Variants in PTPRG observed in about 807,000 individuals in gnomAD.
PTPRG encodes protein tyrosine phosphatase receptor type G.
Under a neutral mutation model 165.3 loss-of-function variants are expected in PTPRG, and 102 were observed. That is an observed-to-expected ratio of 0.62 (90% CI 0.53 to 0.73). The LOEUF (loss-of-function observed/expected upper bound fraction) is 0.73, where lower values mean the gene tolerates loss of function less well. Among genes scored for constraint, PTPRG ranks in the 30% least tolerant of loss-of-function variants. The probability of loss-of-function intolerance (pLI) is 0.00; values close to 1 mark genes in which losing one functional copy is unlikely to be tolerated. For missense variants in PTPRG, 1,866 were observed against 1,861.4 expected (o/e 1.00, Z -0.05); for synonymous variants, 675 against 669.5 (o/e 1.01, Z -0.13).
intron 1 of PTPRG, among the ~76,000 whole-genome samples, chr3:61,654,635 C>G (rs902848039): frequency 1.3e-5 from 2 of 152,160 alleles, no homozygotes; most frequent in African/African-American, 4.8e-5. Flanking sequence ...GTCCGCCCGC[C>G]TCAGCCTCCC....
At chr3:62,268,371 A>AT (rs1701951071) in intron 19 of PTPRG, among the ~76,000 whole-genome samples, 1 of 152,100 alleles carries the variant, frequency 6.6e-6, no homozygotes. Flanking sequence ...TTAGGCTGGA[A>AT]TAAAAGCTAC....
At position 62,295,843 on chromosome 3, in the gene PTPRG, T is replaced by C. The variant is rs1326939141; in HGVS notation, c.*2536T>C. 6.6e-6 allele frequency: 1 copy of C among 152,108 alleles called. No individual in the cohort carries two copies. The highest frequency in any genetic ancestry group is 1.9e-4 in the East Asian group (1 of 5,188). 9.4% of individuals were successfully genotyped at this position (152,108 alleles called of 1,614,324 possible). On this transcript the variant is annotated 3_prime_UTR_variant, in exon 30 of 30. Coordinates refer to ENST00000474889, the MANE Select transcript of PTPRG (RefSeq NM_002841.4). ...CCTCACTATTATTATTCATGTGTTATTGGCAAAAACATAGCTTGCATCTTT... is the reference window on the plus strand; with the variant it reads ...CCTCACTATTATTATTCATGTGTTACTGGCAAAAACATAGCTTGCATCTTT...
At chr3:61,631,107 A>G (rs947105666) in intron 1 of PTPRG, among the ~76,000 whole-genome samples, 1 of 152,106 alleles carries the variant, frequency 6.6e-6, no homozygotes, top group African/African-American at 2.4e-5. Context: ...ACAAATGAAA[A>G]TTCAAATCTT....
chr3:61,968,931 A>G (rs953502579), intron 2 of PTPRG, among the ~76,000 whole-genome samples: 9 of 152,196 alleles, frequency 5.9e-5, no homozygotes, highest in Non-Finnish European at 1.2e-4. Flanking sequence ...TCTTTGAGAC[A>G]TGGTGTTGTC....
At chr3:62,074,352 C>CTTTCTTT (rs1701310935) in intron 4 of PTPRG, among the ~76,000 whole-genome samples, 11 of 109,112 alleles carry the variant, frequency 1.0e-4, no homozygotes, top group African/African-American at 4.2e-4. Flanking sequence ...TCTTTTCTTT[C>CTTTCTTT]TTTTTTTTTT....
In PTPRG at chr3:62,190,101, G is replaced by A. The variant is rs959206106; in HGVS notation, c.1034-1368G>A. On this transcript the variant is annotated intron_variant, in intron 8 of 29. Coordinates refer to ENST00000474889, the MANE Select transcript of PTPRG (RefSeq NM_002841.4). This position sits in a 1 kb window ranked among gnomAD's most constrained non-coding sequence, Gnocchi z 5.2. ...GCGTGCAGTGATGGCTCTGCGCATG[G>A]GATTCTTTGGTGAGCCTCCATCTCT... Among the ~76,000 whole-genome samples the A allele has an allele frequency of 1.8e-4, 27 of 152,118 alleles. No homozygotes were observed. Among genetic ancestry groups the A allele is most frequent in the African/African-American group, 6.3e-4 (26 of 41,416 alleles).
In PTPRG at chr3:62,213,593, C is replaced by T. The variant is rs11924391; in HGVS notation, c.2156-5258C>T. On this transcript the variant is annotated intron_variant, in intron 12 of 29. Coordinates refer to ENST00000474889, the MANE Select transcript of PTPRG (RefSeq NM_002841.4). The surrounding 1 kb of genome is among the most constrained non-coding windows in gnomAD (Gnocchi z 4.4). ...AGAGATGGGCATTTACCCAAAGCCA[C>T]ACAGCTGGAAAGGCCTAAGTCAAAA... is the stretch of plus-strand genomic sequence containing the variant. Among the ~76,000 whole-genome samples, 1,478 of 152,132 alleles carry T rather than the reference C, an allele frequency of 9.7e-3. 25 individuals are homozygous for T. Among genetic ancestry groups the T allele is most frequent in the African/African-American group, 0.033 (1,360 of 41,476 alleles).
intron 4 of PTPRG, among the ~76,000 whole-genome samples, chr3:62,024,650 C>T (rs912241882): frequency 5.3e-5 from 8 of 152,202 alleles, no homozygotes; most frequent in African/African-American, 7.2e-5. Flanking sequence ...GCCATTTCTT[C>T]ATATGTCACC....
At chr3:61,632,378 A>C (rs1478686835) in intron 1 of PTPRG, among the ~76,000 whole-genome samples, 1 of 152,184 alleles carries the variant, frequency 6.6e-6, no homozygotes, top group Non-Finnish European at 1.5e-5. Flanking sequence ...CATAGGTGTA[A>C]TGCTTATAAT....
intron 2 of PTPRG, among the ~76,000 whole-genome samples, chr3:61,790,944 A>T (rs1378708128): frequency 6.6e-6 from 1 of 152,204 alleles, no homozygotes; most frequent in African/African-American, 2.4e-5. Context: ...GATCTGTTGT[A>T]TGTTAGCAAG....
intron 2 of PTPRG, among the ~76,000 whole-genome samples, chr3:61,820,404 G>T (rs1266703047): frequency 6.6e-6 from 1 of 152,086 alleles, no homozygotes; most frequent in East Asian, 1.9e-4. Context: ...GTACCCACTC[G>T]TATTAAGTGG....
intron 3 of PTPRG, among the ~76,000 whole-genome samples, chr3:62,001,405 A>G (rs2041169576): frequency 6.6e-6 from 1 of 152,180 alleles, no homozygotes. Flanking sequence ...CCCTGGGTGT[A>G]TTGTAACAGA....
chr3:62,124,698 G>C (rs1252405285), intron 5 of PTPRG: 1 of 617,976 alleles, frequency 1.6e-6, no homozygotes, highest in South Asian at 2.1e-5. Flanking sequence ...GCTGCGCTTG[G>C]CACCGGACTT....
chr3:62,116,456 T>A (rs1289356714), intron 5 of PTPRG, among the ~76,000 whole-genome samples: 2 of 152,170 alleles, frequency 1.3e-5, no homozygotes, highest in Non-Finnish European at 2.9e-5. Context: ...GATAAATCTA[T>A]CTTGATATTT....
chr3:62,275,930 A>G lies in PTPRG; in HGVS notation c.3523A>G (p.Asn1175Asp). 6.2e-7 allele frequency: 1 copy of G among 1,611,978 alleles called. No individual in the cohort carries two copies. The change falls in exon 24 of 30, where the codon AAC becomes GAC. Residue 1175 changes from asparagine (N) to aspartate (D), a missense_variant. This residue lies in a region of PTPRG where 1,452 missense variants were observed against 1,463.0 expected (regional missense o/e 0.99). Transcript: ENST00000474889. ...VECFSAQKEC[N>D]KEKNRNSSVV... ...ATGTTTCAGTGCTCAGAAAGAGTGT[A>G]ACAAAGAAAAGAACAGAAACTCTTC...
intron 3 of PTPRG, among the ~76,000 whole-genome samples, chr3:61,996,512 C>T (rs950669116): frequency 2.6e-5 from 4 of 152,262 alleles, no homozygotes; most frequent in Non-Finnish European, 4.4e-5. Context: ...TGATTAAGAG[C>T]AGAACATCAG....
chr3:61,935,708 G>A (rs546463764), intron 2 of PTPRG, among the ~76,000 whole-genome samples: 9 of 135,080 alleles, frequency 6.7e-5, no homozygotes, highest in Non-Finnish European at 1.1e-4. Flanking sequence ...TTTTTTTAAT[G>A]TTGTAATTTC....
At chr3:62,001,836 C>T (rs1575872777) in intron 3 of PTPRG, among the ~76,000 whole-genome samples, 1 of 152,134 alleles carries the variant, frequency 6.6e-6, no homozygotes, top group Non-Finnish European at 1.5e-5. Flanking sequence ...TCTGTGGCTG[C>T]TTCTGTGCTA....
intron 1 of PTPRG, among the ~76,000 whole-genome samples, chr3:61,608,220 T>C (rs1701067578): frequency 6.6e-6 from 1 of 152,086 alleles, no homozygotes; most frequent in South Asian, 2.1e-4. Context: ...CAGATATCTG[T>C]CCTCCTCCAT....
Sources: allele counts gnomAD v4.1 joint callset (sites outside exome capture counted in the v4.1 genomes callset), GRCh38; gene constraint gnomAD v4.1.1; regional missense constraint gnomAD v4.1.1; non-coding constraint Gnocchi (gnomAD v3.1); transcripts MANE v1.5; gene names NCBI Gene and HGNC (gene_info 2026-07-23, HGNC 2026-07-21).